The following WAC variants were observed in gnomAD, a reference collection of about 807,000 sequenced individuals.
The protein encoded by WAC is WW domain-containing adapter protein with coiled-coil.
Under a neutral mutation model 79.6 loss-of-function variants are expected in WAC, and 11 were observed. The ratio of observed to expected loss-of-function variants is 0.14; its 90% CI spans 0.09 to 0.23. The LOEUF (loss-of-function observed/expected upper bound fraction) is 0.23, where lower values mean the gene tolerates loss of function less well. Ranked by LOEUF, WAC falls within the 10% of genes least tolerant of loss-of-function variation. The pLI, the probability that WAC is intolerant of heterozygous loss-of-function variation, is 1.00. For synonymous variants in WAC, 304 were observed against 276.9 expected, an observed-to-expected ratio of 1.10 and a Z score of -0.97; for missense variants, 728 against 773.5, an observed-to-expected ratio of 0.94 and a Z score of 0.70.
At chr10:28,537,440 G>A (rs1287697949) in intron 3 of WAC, 1 of 152,158 alleles carries the variant, frequency 6.6e-6, no homozygotes, top group Non-Finnish European at 1.5e-5. Flanking sequence ...AACAAAATAG[G>A]ATATGGCACC....
chr10:28,541,412 TGTGTTTTG>T lies in WAC; in HGVS notation c.274+5656_274+5663del, dbSNP rs1478929681. On this transcript the variant is annotated intron_variant, in intron 3 of 13. Transcript: ENST00000354911. ...CAATTTTTGTGGGGTTGTGTGTGTGTGTGTTTTGTTTTTTTTTTTTTTTTTTTTTTTTT... is the reference window on the plus strand; with the variant it reads ...CAATTTTTGTGGGGTTGTGTGTGTGTTTTTTTTTTTTTTTTTTTTTTTTTT... Among the ~76,000 whole-genome samples, 8 of 72,972 alleles carry T rather than the reference TGTGTTTTG, an allele frequency of 1.1e-4. 1 individual carries two copies. The highest frequency in any genetic ancestry group is 3.6e-4 in the African/African-American group (8 of 22,072). 47.9% of individuals were successfully genotyped at this position (72,972 alleles called of 152,430 possible). A position where few individuals can be genotyped will look rare whatever the true frequency, so the allele number is the denominator to read the frequency against.
At chr10:28,549,603 C>T (rs1004231852) in intron 3 of WAC, among the ~76,000 whole-genome samples, 5 of 152,082 alleles carry the variant, frequency 3.3e-5, no homozygotes, top group Admixed American at 6.5e-5. Flanking sequence ...ATTCTTTACC[C>T]GCAGCTGAGT....
In WAC at chr10:28,533,550, C is replaced by T. The variant is rs1836399767; in HGVS notation, c.-30C>T. ...GCCTTTCGCGGCCGCTCTCCCCCCT[C>T]CCCGACACACACTCACAGGCCGGGC... On this transcript the variant is annotated 5_prime_UTR_variant, in exon 1 of 14. Coordinates refer to ENST00000354911, the MANE Select transcript of WAC (RefSeq NM_016628.5). The T allele has an allele frequency of 4.2e-6, 6 of 1,440,818 alleles. No individual in the cohort carries two copies. Among genetic ancestry groups the T allele is most frequent in the Non-Finnish European group, 4.6e-6 (5 of 1,080,678 alleles). 89.3% of individuals were successfully genotyped at this position (1,440,818 alleles called of 1,614,324 possible).
intron 3 of WAC, among the ~76,000 whole-genome samples, chr10:28,542,865 T>C (rs781504428): frequency 5.3e-5 from 8 of 152,244 alleles, no homozygotes; most frequent in Non-Finnish European, 1.0e-4. Flanking sequence ...ACAAATGTTA[T>C]AGCAGAACTG....
intron 3 of WAC, among the ~76,000 whole-genome samples, chr10:28,567,337 A>G (rs1838701863): frequency 6.6e-6 from 1 of 151,652 alleles, no homozygotes; most frequent in Non-Finnish European, 1.5e-5. Context: ...TCCAGTGTGG[A>G]TAGTATGATT....
intron 3 of WAC, among the ~76,000 whole-genome samples, chr10:28,541,429 T>TTTTTG (rs1837036841): frequency 7.1e-6 from 1 of 140,092 alleles, no homozygotes; most frequent in South Asian, 2.3e-4. Flanking sequence ...TGTTTTTTTT[T>TTTTTG]TTTTTTTTTT....
intron 7 of WAC, among the ~76,000 whole-genome samples, chr10:28,605,349 A>G (rs1164907407): frequency 6.6e-6 from 1 of 152,238 alleles, no homozygotes; most frequent in Non-Finnish European, 1.5e-5. Context: ...GCTTCCGTTC[A>G]GTAAATGTGG....
At chr10:28,565,472 A>G (rs1838550929) in intron 3 of WAC, among the ~76,000 whole-genome samples, 1 of 152,206 alleles carries the variant, frequency 6.6e-6, no homozygotes, top group Non-Finnish European at 1.5e-5. Context: ...TCCTGGGCTC[A>G]AGCAATCCTC....
At chr10:28,573,081 G>A (rs1839061363) in intron 3 of WAC, among the ~76,000 whole-genome samples, 3 of 151,268 alleles carry the variant, frequency 2.0e-5, no homozygotes, top group Admixed American at 2.0e-4. Flanking sequence ...AACATGGTTA[G>A]ACCAGCCATC....
At chr10:28,554,231 T>A (rs1367901497) in intron 3 of WAC, among the ~76,000 whole-genome samples, 1 of 152,198 alleles carries the variant, frequency 6.6e-6, no homozygotes, top group African/African-American at 2.4e-5. Flanking sequence ...CACTACTTCA[T>A]ATAAGGGAAT....
chr10:28,610,170 C>T (rs332171), intron 8 of WAC, among the ~76,000 whole-genome samples: 84,541 of 151,640 alleles, frequency 0.56, 23,961 homozygotes, highest in East Asian at 0.67. Context: ...TAACCTTAGG[C>T]GATCCACCTG....
intron 3 of WAC, among the ~76,000 whole-genome samples, chr10:28,560,402 C>T (rs1838236079): frequency 6.6e-6 from 1 of 152,046 alleles, no homozygotes; most frequent in Non-Finnish European, 1.5e-5. Flanking sequence ...TAAGCCGAAG[C>T]AGGCATTAGC....
chr10:28,538,257 C>T (rs1836789257), intron 3 of WAC: 1 of 250,884 alleles, frequency 4.0e-6, no homozygotes, highest in South Asian at 3.3e-5. Context: ...ATTTTTATTG[C>T]AGGCATTATA....
intron 4 of WAC, chr10:28,588,728 A>AT (rs1237062225): frequency 6.6e-6 from 1 of 152,110 alleles, no homozygotes; most frequent in African/African-American, 2.4e-5. Flanking sequence ...CTTTTTAAAT[A>AT]TTTTTTAATT....
rs561924808 is a variant in WAC at position 28,614,191 on chromosome 10, C to T, written c.1438-376C>T. On this transcript the variant is annotated intron_variant, in intron 10 of 13. Transcript: ENST00000354911. The stretch of plus-strand genomic sequence containing the variant: ...CGCGATCTCCGCTCACTGCAAGCTC[C>T]GCCTTCCGGGTTCACGCCATTCTCC... Among the ~76,000 whole-genome samples, 40 of 152,124 alleles carry T rather than the reference C, an allele frequency of 2.6e-4. No homozygotes were observed. In the South Asian group the frequency reaches 2.7e-3, roughly 10 times the overall value.
chr10:28,536,618 A>G (rs1389006401), intron 3 of WAC, among the ~76,000 whole-genome samples: 1 of 152,196 alleles, frequency 6.6e-6, no homozygotes, highest in Non-Finnish European at 1.5e-5. Context: ...TCATTGAAAT[A>G]TTCTTTTTAA....
At chr10:28,596,122 C>T in intron 7 of WAC, 81 bp downstream of exon 7, 2 of 1,392,898 alleles carry the variant, frequency 1.4e-6, no homozygotes, top group Non-Finnish European at 1.9e-6. Flanking sequence ...TACATTATTT[C>T]CTTTGGCTCT....
intron 3 of WAC, among the ~76,000 whole-genome samples, chr10:28,581,270 T>A (rs1043726011): frequency 4.6e-3 from 352 of 75,726 alleles, no homozygotes; most frequent in Non-Finnish European, 6.4e-3. Flanking sequence ...TTTTTTTTTT[T>A]AAGACGGGTT....
Position 28,616,268 on chromosome 10 carries a change from C to G in WAC, c.1652C>G (p.Ser551Cys). The G allele has an allele frequency of 1.2e-6, 2 of 1,614,022 alleles. No individual in the cohort carries two copies. Among genetic ancestry groups the G allele is most frequent in the Non-Finnish European group, 1.7e-6 (2 of 1,179,936 alleles). The change falls in exon 12 of 14, where the codon TCC becomes TGC. Residue 551 changes from serine (S) to cysteine (C), a missense_variant. By Grantham distance (112) the Ser-to-Cys change is moderately radical. Transcript: ENST00000354911. ...TVVPQNSSAR[S>C]TCSLTPALAA... Reference sequence around the variant, plus strand: ...GTACCACAGAATTCTTCTGCCCGATCCACGTGTTCATTAACGCCTGCACTA... The same window carrying G: ...GTACCACAGAATTCTTCTGCCCGATGCACGTGTTCATTAACGCCTGCACTA...
Sources: gnomAD v4.1 joint callset for allele counts (sites outside exome capture counted in the v4.1 genomes callset) on GRCh38, gnomAD v4.1.1 for gene constraint, MANE v1.5 for transcripts, NCBI Gene and HGNC (gene_info 2026-07-23, HGNC 2026-07-21) for gene names.